The following GNL3L variants were observed in gnomAD, a reference collection of about 807,000 sequenced individuals.
The protein encoded by GNL3L is G protein nucleolar 3 like, also known as guanine nucleotide-binding protein-like 3-like protein.
In GNL3L, 4 loss-of-function variants were observed where a neutral mutation model predicts 42.9. The observed-to-expected ratio is 0.09, with a 90% CI of 0.05 to 0.21. The LOEUF is 0.21. GNL3L is among the 10% of genes least tolerant of loss of function. GNL3L has a pLI of 1.00. For synonymous variants in GNL3L, 159 were observed against 176.3 expected (o/e 0.90, Z 0.78); for missense variants, 412 against 481.7 (o/e 0.86, Z 1.36).
At chrX:54,581,046 GC>G (rs1172181032) in intron 16 of GNL3L, among the ~76,000 whole-genome samples, 1 of 111,742 alleles carries the variant, frequency 8.9e-6, no homozygotes, top group Non-Finnish European at 1.9e-5. Context: ...CTCCCACAGT[GC>G]TGGGATTACA....
At chrX:54,536,503 G>A (rs1924428573) in intron 2 of GNL3L, among the ~76,000 whole-genome samples, 1 of 110,310 alleles carries the variant, frequency 9.1e-6, no homozygotes, top group African/African-American at 3.3e-5. Flanking sequence ...GGAAACACAG[G>A]GCCAGGCGTG....
At chrX:54,611,158 A>G (rs1926158015) in intron 16 of GNL3L, among the ~76,000 whole-genome samples, 2 of 111,054 alleles carry the variant, frequency 1.8e-5, no homozygotes, top group Admixed American at 9.6e-5. Context: ...AGTACCCTTG[A>G]ATGATCTTTT....
At chrX:54,588,779 C>A (rs912205292) in intron 16 of GNL3L, among the ~76,000 whole-genome samples, 10 of 111,345 alleles carry the variant, frequency 9.0e-5, no homozygotes, top group Non-Finnish European at 1.7e-4. Flanking sequence ...GAGCCAAGAT[C>A]GCGCTACGGC....
In GNL3L at chrX:54,557,364, G is replaced by A. The variant is rs748845295; in HGVS notation, c.1447-1072G>A. The stretch of plus-strand genomic sequence containing the variant: ...CTGCAGCCTTGAACTCTGGGCTCAA[G>A]CAATCCCCCCACCTCAGCCTCCCAA... On this transcript the variant is annotated intron_variant, in intron 14 of 15. Transcript: ENST00000360845. Among the ~76,000 whole-genome samples the A allele has an allele frequency of 4.2e-3, 456 of 109,208 alleles. 1 individual carries two copies. The highest frequency in any genetic ancestry group is 6.1e-3 in the Non-Finnish European group (320 of 52,361). 94.8% of individuals were successfully genotyped at this position (109,208 alleles called of 115,157 possible).
At chrX:54,638,912 C>A in the GNL3L span, among the ~76,000 whole-genome samples, 1 of 111,548 alleles carries the variant, frequency 9.0e-6, no homozygotes, top group East Asian at 2.8e-4. Context: ...AAAGTGTGGT[C>A]TTGAACCAGT....
chrX:54,643,853 G>A, the GNL3L span, among the ~76,000 whole-genome samples: 1 of 111,210 alleles, frequency 9.0e-6, no homozygotes, highest in African/African-American at 3.3e-5. Flanking sequence ...TAACTCCCAC[G>A]TATGAGTGAG....
the GNL3L span, among the ~76,000 whole-genome samples, chrX:54,630,427 G>A: frequency 0.23 from 25,545 of 109,076 alleles, 5,621 homozygotes; most frequent in African/African-American, 0.69. Flanking sequence ...CTTTTGCCAT[G>A]TCCCAGAGGT....
At chrX:54,607,024 CTTT>C (rs1418840293) in intron 16 of GNL3L, among the ~76,000 whole-genome samples, 1 of 62,307 alleles carries the variant, frequency 1.6e-5, no homozygotes, top group African/African-American at 1.2e-4. Flanking sequence ...TTCTTTCTTT[CTTT>C]CTTTCTTTCT....
chrX:54,554,893 C>A (rs914545684), intron 14 of GNL3L, among the ~76,000 whole-genome samples: 1 of 111,747 alleles, frequency 8.9e-6, no homozygotes, highest in African/African-American at 3.2e-5. Context: ...AGGCAGCTTT[C>A]CCAGCTCTGG....
At chrX:54,577,481 A>G (rs1003445645) in intron 16 of GNL3L, among the ~76,000 whole-genome samples, 9 of 111,540 alleles carry the variant, frequency 8.1e-5, no homozygotes, top group Non-Finnish European at 1.3e-4. Context: ...ATACATTATT[A>G]TTAACTATAG....
chrX:54,605,667 G>T (rs1254313470), intron 16 of GNL3L, among the ~76,000 whole-genome samples: 1 of 111,563 alleles, frequency 9.0e-6, no homozygotes, highest in Non-Finnish European at 1.9e-5. Flanking sequence ...GGTGATGAGA[G>T]ATGCTACTTC....
intron 16 of GNL3L, among the ~76,000 whole-genome samples, chrX:54,594,585 T>G (rs1925910859): frequency 9.2e-6 from 1 of 109,248 alleles, no homozygotes; most frequent in African/African-American, 3.3e-5. Context: ...ACTCTGTCTT[T>G]GGATTGAAGC....
At chrX:54,558,337 T>C (rs756841443) in intron 14 of GNL3L, 99 bp from the exon 15 acceptor site, 2 of 577,746 alleles carry the variant, frequency 3.5e-6, no homozygotes, top group South Asian at 5.2e-5. Flanking sequence ...TCCAGGCTCC[T>C]GTTCTTACCC....
chrX:54,614,761 G>A (rs921048841), intron 16 of GNL3L, among the ~76,000 whole-genome samples: 1 of 111,561 alleles, frequency 9.0e-6, no homozygotes, highest in Non-Finnish European at 1.9e-5. Context: ...GGCGCTCACA[G>A]TATTTGGGGC....
At chrX:54,639,710 G>T in the GNL3L span, among the ~76,000 whole-genome samples, 2 of 112,003 alleles carry the variant, frequency 1.8e-5, no homozygotes, top group Non-Finnish European at 3.8e-5. Flanking sequence ...GAACCCCGGA[G>T]CCCGAAGCTA....
rs907722724 is a variant in GNL3L at position 54,553,524 on chromosome X, T to G, written c.1319-1041T>G. 2.7e-5 allele frequency among the ~76,000 whole-genome samples: 3 copies of G among 112,063 alleles called. No homozygotes were observed. The South Asian group carries it at 1.1e-3, about 41-fold the overall frequency. ...TGTGGCTTTGAGCAAGTCAGCCCCCTTTCTGAATTTGTTTCCTCTTTTTGT... is the reference window on the plus strand; with the variant it reads ...TGTGGCTTTGAGCAAGTCAGCCCCCGTTCTGAATTTGTTTCCTCTTTTTGT... On this transcript the variant is annotated intron_variant, in intron 13 of 15. Transcript: ENST00000360845.
chrX:54,561,131 A>G lies in GNL3L; in HGVS notation c.*529A>G, dbSNP rs1925257352. 1 of 109,968 alleles carries G rather than the reference A, an allele frequency of 9.1e-6. No individual in the cohort carries two copies. Among genetic ancestry groups the G allele is most frequent in the African/African-American group, 3.3e-5 (1 of 30,047 alleles). The allele number at this position is 109,968 out of a possible 1,213,427, so 9.1% of individuals were successfully genotyped here. A position where few individuals can be genotyped will look rare whatever the true frequency, so the allele number is the denominator to read the frequency against. On this transcript the variant is annotated 3_prime_UTR_variant, in exon 16 of 16. Coordinates refer to ENST00000360845, the MANE Select transcript of GNL3L (RefSeq NM_001184819.2). ...GCAGCTGCCAAACCCAATACCCTCT[A>G]TTTAACCCCTACTCTGTTTTACAAG...
At chrX:54,596,485 C>T (rs1191688506) in intron 16 of GNL3L, among the ~76,000 whole-genome samples, 1 of 111,780 alleles carries the variant, frequency 8.9e-6, no homozygotes, top group Non-Finnish European at 1.9e-5. Context: ...TAGCCACCAC[C>T]AGTAGGACTG....
chrX:54,568,888 C>T (rs934621498), downstream of GNL3L, among the ~76,000 whole-genome samples: 1 of 112,257 alleles, frequency 8.9e-6, no homozygotes, highest in African/African-American at 3.2e-5. Flanking sequence ...CTGAACCTCT[C>T]TTCCAATCCT....
Sources: allele counts gnomAD v4.1 joint callset (sites outside exome capture counted in the v4.1 genomes callset), GRCh38; gene constraint gnomAD v4.1.1; transcripts MANE v1.5; gene names NCBI Gene and HGNC (gene_info 2026-07-23, HGNC 2026-07-21).